The following ABCB5 variants were observed in gnomAD, a reference collection of about 807,000 sequenced individuals.
ABCB5 encodes ATP binding cassette subfamily B member 5.
A neutral mutation model predicts 144.2 loss-of-function variants in ABCB5; 155 were observed. The observed-to-expected ratio is 1.08, with a 90% CI of 0.94 to 1.23. The LOEUF is 1.23. Among genes scored for constraint, ABCB5 ranks in the 50% most tolerant of loss-of-function variants. ABCB5 has a pLI of 0.00. For synonymous variants in ABCB5, 610 were observed against 528.6 expected (o/e 1.15, Z -2.11); for missense variants, 1,830 against 1,520.8 (o/e 1.20, Z -3.38).
chr7:20,637,465 G>C (rs76898363), intron 5 of ABCB5, among the ~76,000 whole-genome samples: 5 of 150,012 alleles, frequency 3.3e-5, no homozygotes, highest in Non-Finnish European at 5.9e-5. Flanking sequence ...TTGTTTCCCA[G>C]GCTGGAGTGC....
In ABCB5 at chr7:20,666,807, G is replaced by A. The variant is rs80190153; in HGVS notation, c.1707+8131G>A. 4,396 of 1,581,776 alleles carry A rather than the reference G, an allele frequency of 2.8e-3. 130 individuals are homozygous for A. The South Asian group carries it at 0.043, about 15-fold the overall frequency. ...ATTGATAATCTACCACACTATCTACGTTGAGGTATCTGGAACCACAGTGGT... is the reference window on the plus strand; with the variant it reads ...ATTGATAATCTACCACACTATCTACATTGAGGTATCTGGAACCACAGTGGT... On this transcript the variant is annotated intron_variant, in intron 14 of 27. Transcript: ENST00000404938.
chr7:20,708,103 G>C (rs1302453166), intron 20 of ABCB5, among the ~76,000 whole-genome samples: 2 of 151,966 alleles, frequency 1.3e-5, no homozygotes, highest in Admixed American at 1.3e-4. Context: ...CGCGCCCGGC[G>C]GTAACCTCAT....
intron 20 of ABCB5, among the ~76,000 whole-genome samples, chr7:20,715,468 T>C (rs1012275689): frequency 2.6e-5 from 4 of 152,076 alleles, no homozygotes; most frequent in African/African-American, 9.7e-5. Flanking sequence ...TAGAGTGCAG[T>C]TGCATGATCC....
chr7:20,738,226 C>A (rs984078619), intron 23 of ABCB5, among the ~76,000 whole-genome samples: 1 of 152,182 alleles, frequency 6.6e-6, no homozygotes, highest in South Asian at 2.1e-4. Context: ...CATTGTTTTG[C>A]ATTCTAGTAC....
intron 20 of ABCB5, among the ~76,000 whole-genome samples, chr7:20,708,347 A>G (rs1786892073): frequency 6.6e-6 from 1 of 152,158 alleles, no homozygotes; most frequent in South Asian, 2.1e-4. Flanking sequence ...TCTTTTAAAA[A>G]AAGTTTTCAA....
chr7:20,702,026 C>T (rs1786646409), intron 19 of ABCB5, among the ~76,000 whole-genome samples: 1 of 152,176 alleles, frequency 6.6e-6, no homozygotes, highest in African/African-American at 2.4e-5. Context: ...CGTGCTCAGA[C>T]TTGCAGTGCT....
At chr7:20,729,383 GGATGAATTATTTGCTAAGCAAATAA>G (rs1466366222) in intron 23 of ABCB5, among the ~76,000 whole-genome samples, 2 of 152,096 alleles carry the variant, frequency 1.3e-5, no homozygotes, top group South Asian at 4.1e-4. Flanking sequence ...ACATCAGTGA[GGATGAATTATTTGCTAAGCAAATAA>G]TCCAGAAGAA....
intron 14 of ABCB5, among the ~76,000 whole-genome samples, chr7:20,678,645 A>T (rs554561564): frequency 6.7e-6 from 1 of 149,686 alleles, no homozygotes; most frequent in African/African-American, 2.6e-5. Flanking sequence ...AAAACAAAAA[A>T]AAACACATTA....
Position 20,648,029 on chromosome 7 carries a change from T to C in ABCB5, c.1157T>C (p.Val386Ala). ...GYKPESIEGTVEFKNVSFNYP... is the reference protein window; with the variant it reads ...GYKPESIEGTAEFKNVSFNYP... Reference sequence around the variant, plus strand: ...AAACCTGAATCCATAGAAGGAACTGTGGAATTTAAAAATGTTTCTTTCAAT... The same window carrying C: ...AAACCTGAATCCATAGAAGGAACTGCGGAATTTAAAAATGTTTCTTTCAAT... The change falls in exon 11 of 28, where the codon GTG (valine) becomes GCG (alanine). Residue 386 changes from valine to alanine, a missense_variant. By Grantham distance (64) the Val-to-Ala change is moderately conservative. Coordinates refer to ENST00000404938, the MANE Select transcript of ABCB5 (RefSeq NM_001163941.2). The C allele has an allele frequency of 6.2e-7, 1 of 1,612,088 alleles. No homozygotes were observed. Among genetic ancestry groups the C allele is most frequent in the Non-Finnish European group, 8.5e-7 (1 of 1,178,606 alleles).
At position 20,697,307 on chromosome 7, in the gene ABCB5, G is replaced by A. The variant is rs569658956; in HGVS notation, c.2011-1100G>A. Among the ~76,000 whole-genome samples, 148 of 152,244 alleles carry A rather than the reference G, an allele frequency of 9.7e-4. 1 individual carries two copies. The highest frequency in any genetic ancestry group is 1.5e-3 in the Non-Finnish European group (105 of 68,000). Reference sequence around the variant, plus strand: ...ATAGTGGCCACACTGAGAATAGAACGAGAATTATAAACTATTTTATAGTCT... The same window carrying A: ...ATAGTGGCCACACTGAGAATAGAACAAGAATTATAAACTATTTTATAGTCT... On this transcript the variant is annotated intron_variant, in intron 16 of 27. Coordinates refer to ENST00000404938, the MANE Select transcript of ABCB5 (RefSeq NM_001163941.2).
intron 16 of ABCB5, among the ~76,000 whole-genome samples, chr7:20,693,294 A>T (rs766757389): frequency 1.4e-4 from 22 of 152,120 alleles, no homozygotes; most frequent in South Asian, 4.1e-4. Flanking sequence ...TGAACCCAAG[A>T]CTTTGAGGCT....
chr7:20,684,293 C>T (rs1482181549), intron 15 of ABCB5, among the ~76,000 whole-genome samples: 3 of 152,142 alleles, frequency 2.0e-5, no homozygotes, highest in Non-Finnish European at 4.4e-5. Context: ...TAGAGATATA[C>T]ACATATCAAA....
rs35885925 is a variant in ABCB5 at position 20,727,129 on chromosome 7, G to T, written c.2715G>T (p.Gln905His). ...AFEQMYEEML[Q>H]TQHRNTSKKA... is the part of the protein sequence containing the mutation. Reference sequence around the variant, plus strand: ...AGCAAATGTATGAAGAGATGCTTCAGACTCAACACAGGTGATTATAGATTC... The same window carrying T: ...AGCAAATGTATGAAGAGATGCTTCATACTCAACACAGGTGATTATAGATTC... Residue 905 changes from glutamine (Q) to histidine (H), a missense_variant, in exon 22 of 28, where the codon CAG (glutamine) becomes CAT (histidine). Transcript: ENST00000404938. The T allele has an allele frequency of 3.4e-3, 5,440 of 1,612,608 alleles. 166 individuals are homozygous for T. In the African/African-American group the frequency reaches 0.065, roughly 19 times the overall value.
intron 27 of ABCB5, among the ~76,000 whole-genome samples, chr7:20,754,914 C>T (rs992100769): frequency 6.6e-6 from 1 of 152,076 alleles, no homozygotes; most frequent in African/African-American, 2.4e-5. Flanking sequence ...AAATGCTTTT[C>T]CACTGAAAGT....
rs985745501 is a variant in ABCB5, at chr7:20,643,115, G to A, written c.315-69G>A. The A allele has an allele frequency of 9.6e-6, 13 of 1,351,376 alleles. No homozygotes were observed. In the East Asian group the frequency reaches 1.5e-4, roughly 15 times the overall value. 83.7% of individuals were successfully genotyped at this position (1,351,376 alleles called of 1,614,324 possible). Reference sequence around the variant, plus strand: ...ATTTCCTCAATCAAATACTGTGATCGATTTTTTATGTGTGTAACAAGATAA... The same window carrying A: ...ATTTCCTCAATCAAATACTGTGATCAATTTTTTATGTGTGTAACAAGATAA... On this transcript the variant is annotated intron_variant, in intron 5 of 27. Coordinates refer to ENST00000404938, the MANE Select transcript of ABCB5 (RefSeq NM_001163941.2).
At chr7:20,667,794 G>A (rs28603008) in intron 14 of ABCB5, among the ~76,000 whole-genome samples, 89,123 of 148,122 alleles carry the variant, frequency 0.6, 28,018 homozygotes, top group East Asian at 0.77. Flanking sequence ...CTGTACTGCT[G>A]CCATCTCGGC....
chr7:20,755,478 G>C lies in ABCB5; in HGVS notation c.3628G>C (p.Val1210Leu). ...CAGGACGGGAAGGACATGCCTAGTG[G>C]TCACTCACAGGCTCTCTGCAATTCA... ...KARTGRTCLV[V>L]THRLSAIQNA... is the part of the protein sequence containing the mutation. Residue 1210 changes from valine (V) to leucine (L), a missense_variant, in exon 28 of 28, where the codon GTC becomes CTC. Transcript: ENST00000404938. The C allele has an allele frequency of 1.2e-6, 2 of 1,614,174 alleles. No homozygotes were observed. The highest frequency in any genetic ancestry group is 2.7e-5 in the African/African-American group (2 of 75,052).
intron 13 of ABCB5, among the ~76,000 whole-genome samples, chr7:20,654,238 CA>C (rs148516938): frequency 0.029 from 4,473 of 151,938 alleles, 97 homozygotes; most frequent in Non-Finnish European, 0.042. Context: ...GTCTCTTCAA[CA>C]CAACAATTAC....
At position 20,681,046 on chromosome 7, in the gene ABCB5, T is replaced by TTCTCTCTC. The variant is rs1284240190; in HGVS notation, c.1708-451_1708-444dup. On this transcript the variant is annotated intron_variant, in intron 14 of 27. Transcript: ENST00000404938. ...TCTTTCTTTCTTTCTCTTTCTTTCT[T>TTCTCTCTC]TCTCTCTCTCTCTCTTTCTTTCTTT... 1.5e-4 allele frequency among the ~76,000 whole-genome samples: 3 copies of TTCTCTCTC among 20,450 alleles called. 1 individual carries two copies. Among genetic ancestry groups the TTCTCTCTC allele is most frequent in the Admixed American group, 1.0e-3 (2 of 1,942 alleles). 13.4% of individuals were successfully genotyped at this position (20,450 alleles called of 152,430 possible).
Sources: gnomAD v4.1 joint callset for allele counts (sites outside exome capture counted in the v4.1 genomes callset) on GRCh38, gnomAD v4.1.1 for gene constraint, MANE v1.5 for transcripts, NCBI Gene and HGNC (gene_info 2026-07-23, HGNC 2026-07-21) for gene names.